Variants in PCSK5 observed in about 807,000 individuals in gnomAD.
The protein encoded by PCSK5 is proprotein convertase subtilisin/kexin type 5, also known as prohormone convertase 5.
In PCSK5, 129 loss-of-function variants were observed where a neutral mutation model predicts 233.2. The observed-to-expected ratio is 0.55, with a 90% CI of 0.48 to 0.64. The LOEUF is 0.64. Ranked by LOEUF, PCSK5 falls within the 30% of genes least tolerant of loss-of-function variation. PCSK5 has a pLI of 0.00. For synonymous variants in PCSK5, 825 were observed against 879.2 expected, an observed-to-expected ratio of 0.94 and a Z score of 1.09; for missense variants, 2,076 against 2,430.1, an observed-to-expected ratio of 0.85 and a Z score of 3.06.
At chr9:75,928,627 AT>A (rs1237750472) in intron 1 of PCSK5, among the ~76,000 whole-genome samples, 6 of 116,748 alleles carry the variant, frequency 5.1e-5, no homozygotes, top group African/African-American at 2.2e-4. Flanking sequence ...ATATATATAT[AT>A]ATATATATAT....
intron 10 of PCSK5, among the ~76,000 whole-genome samples, chr9:76,138,620 G>A (rs1372712339): frequency 1.3e-5 from 2 of 151,886 alleles, no homozygotes; most frequent in African/African-American, 4.8e-5. Flanking sequence ...CTTTGGTTTG[G>A]GTGTGAAGTT....
At chr9:76,173,167 C>G (rs893345667) in intron 13 of PCSK5, among the ~76,000 whole-genome samples, 8 of 152,172 alleles carry the variant, frequency 5.3e-5, no homozygotes, top group Admixed American at 3.3e-4. Flanking sequence ...TTGTTTTGAA[C>G]AGTGAATGAA....
chr9:76,052,461 C>T (rs1245834698), intron 5 of PCSK5, among the ~76,000 whole-genome samples: 1 of 152,126 alleles, frequency 6.6e-6, no homozygotes, highest in Non-Finnish European at 1.5e-5. Context: ...AGAGTGTGTG[C>T]AGGGAAACTG....
At chr9:76,134,613 G>A (rs553349037) in intron 10 of PCSK5, among the ~76,000 whole-genome samples, 1 of 152,080 alleles carries the variant, frequency 6.6e-6, no homozygotes, top group Admixed American at 6.6e-5. Flanking sequence ...CTTTAGTGTA[G>A]CACTGTTAGT....
rs1825563140 is a variant in PCSK5, at chr9:75,890,900, G to A, written c.-282G>A. On this transcript the variant is annotated 5_prime_UTR_variant, in exon 1 of 38. Transcript: ENST00000674117. ...CTGCGGAGGACGCCCGCCCCACTCAGCCTCCTCCTGCGTCCGAGCCGGGGA... is the reference window on the plus strand; with the variant it reads ...CTGCGGAGGACGCCCGCCCCACTCAACCTCCTCCTGCGTCCGAGCCGGGGA... 5.7e-6 allele frequency: 2 copies of A among 349,152 alleles called. No homozygotes were observed. The highest frequency in any genetic ancestry group is 5.1e-6 in the Non-Finnish European group (1 of 194,276). The allele number at this position is 349,152 out of a possible 1,614,324, so 21.6% of individuals were successfully genotyped here.
intron 7 of PCSK5, among the ~76,000 whole-genome samples, chr9:76,084,229 G>A (rs1830972331): frequency 6.6e-6 from 1 of 152,200 alleles, no homozygotes; most frequent in Admixed American, 6.5e-5. Flanking sequence ...AAATACATAT[G>A]TGGTTTCACA....
At chr9:76,310,247 C>CAA (rs766099144) in intron 29 of PCSK5, among the ~76,000 whole-genome samples, 189 of 110,496 alleles carry the variant, frequency 1.7e-3, no homozygotes, top group South Asian at 0.013. Context: ...GACTCCTTCT[C>CAA]AAAAAAAAAA....
Position 76,214,646 on chromosome 9 carries a change from A to G in PCSK5, c.2627-12857A>G, listed in dbSNP as rs1825456810. ...TCTCCCAACAGGGTCAAGTTATTGTAAGGATCAAGTAAGTTAGTATTTGTG... is the reference window on the plus strand; with the variant it reads ...TCTCCCAACAGGGTCAAGTTATTGTGAGGATCAAGTAAGTTAGTATTTGTG... On this transcript the variant is annotated intron_variant, in intron 20 of 37. Transcript: ENST00000674117. Among the ~76,000 whole-genome samples the G allele has an allele frequency of 2.0e-5, 3 of 152,338 alleles. No individual in the cohort carries two copies. In the South Asian group the frequency reaches 6.2e-4, roughly 32 times the overall value.
At chr9:75,926,881 G>A (rs1428195082) in intron 1 of PCSK5, among the ~76,000 whole-genome samples, 1 of 152,054 alleles carries the variant, frequency 6.6e-6, no homozygotes, top group Non-Finnish European at 1.5e-5. Context: ...CCTATTGATG[G>A]ACATTTGCAT....
At position 76,360,813 on chromosome 9, in the gene PCSK5, T is replaced by A. The variant is rs187591772; in HGVS notation, c.*1891T>A. The A allele has an allele frequency of 8.1e-4, 124 of 152,348 alleles. No homozygotes were observed. In the East Asian group the frequency reaches 0.02, roughly 25 times the overall value. 9.4% of individuals were successfully genotyped at this position (152,348 alleles called of 1,614,324 possible). ...TCAATAAAACCTTATTTATGGACAC[T>A]GACATTTGAAATTCAGGTAATTTTC... On this transcript the variant is annotated 3_prime_UTR_variant, in exon 38 of 38. Transcript: ENST00000674117.
chr9:76,107,241 T>C lies in PCSK5; in HGVS notation c.1108-10T>C. Reference sequence around the variant, plus strand: ...CCTCAGAAATCTAAACTTTTCACTTTGTTTTCCAGATCACTACAGATCTGA... The same window carrying C: ...CCTCAGAAATCTAAACTTTTCACTTCGTTTTCCAGATCACTACAGATCTGA... On this transcript the variant is annotated splice_polypyrimidine_tract_variant and intron_variant, in intron 8 of 37. Coordinates refer to ENST00000674117, the MANE Select transcript of PCSK5 (RefSeq NM_001372043.1). 6.3e-7 allele frequency: 1 copy of C among 1,586,298 alleles called. No individual in the cohort carries two copies.
intron 35 of PCSK5, among the ~76,000 whole-genome samples, chr9:76,339,702 G>A (rs1021416113): frequency 6.6e-6 from 1 of 151,684 alleles, no homozygotes; most frequent in Non-Finnish European, 1.5e-5. Context: ...GCACCACCAC[G>A]CCTGGCTAAT....
chr9:76,233,665 T>C, intron 22 of PCSK5, 69 bp downstream of exon 22: 2 of 1,464,906 alleles, frequency 1.4e-6, no homozygotes, highest in Non-Finnish European at 1.9e-6. Flanking sequence ...CATCATTTGG[T>C]TTGACCCAAA....
At chr9:75,898,011 A>G (rs1188843944) in intron 1 of PCSK5, among the ~76,000 whole-genome samples, 1 of 152,238 alleles carries the variant, frequency 6.6e-6, no homozygotes, top group African/African-American at 2.4e-5. Flanking sequence ...ACAGATTCAC[A>G]TGCCTTTATA....
intron 5 of PCSK5, among the ~76,000 whole-genome samples, chr9:76,058,966 G>A (rs1178744828): frequency 1.3e-5 from 2 of 151,978 alleles, no homozygotes; most frequent in Non-Finnish European, 2.9e-5. Flanking sequence ...GCAACTTGGC[G>A]AGACCCACAC....
chr9:76,045,616 C>T (rs563303416), intron 5 of PCSK5, among the ~76,000 whole-genome samples: 1 of 152,360 alleles, frequency 6.6e-6, no homozygotes, highest in South Asian at 2.1e-4. Context: ...TGACAGATGA[C>T]TGTCAGATGA....
At chr9:76,189,575 A>C in intron 19 of PCSK5, 56 bp from the exon 20 acceptor site, 1 of 1,065,388 alleles carries the variant, frequency 9.4e-7, no homozygotes, top group Non-Finnish European at 1.5e-6. Flanking sequence ...GCTAGTAAAC[A>C]CACCTTCCCC....
intron 24 of PCSK5, among the ~76,000 whole-genome samples, chr9:76,276,304 A>G (rs1341545357): frequency 6.6e-6 from 1 of 152,232 alleles, no homozygotes; most frequent in African/African-American, 2.4e-5. Flanking sequence ...TAATAGATGT[A>G]TCTGTTTCTG....
intron 24 of PCSK5, among the ~76,000 whole-genome samples, chr9:76,253,638 A>G (rs1002179980): frequency 1.3e-5 from 2 of 152,222 alleles, no homozygotes; most frequent in South Asian, 4.1e-4. Flanking sequence ...TTTATTCCAC[A>G]TATAATAGGA....
Sources: gnomAD v4.1 joint callset for allele counts (sites outside exome capture counted in the v4.1 genomes callset) on GRCh38, gnomAD v4.1.1 for gene constraint, MANE v1.5 for transcripts, NCBI Gene and HGNC (gene_info 2026-07-23, HGNC 2026-07-21) for gene names.